Variants in ELOVL7 observed in about 807,000 individuals in gnomAD.
ELOVL7 encodes very long chain fatty acid elongase 7.
ELOVL7 carries 27 observed loss-of-function variants against 35.7 expected under a neutral mutation model. The observed-to-expected ratio is 0.76, with a 90% CI of 0.56 to 1.04. ELOVL7 has a LOEUF of 1.04. Among genes scored for constraint, ELOVL7 ranks in the 50% least tolerant of loss-of-function variants. The pLI, the probability that ELOVL7 is intolerant of heterozygous loss-of-function variation, is 0.00. For missense variants in ELOVL7, 327 were observed against 340.8 expected (o/e 0.96, Z 0.32); for synonymous variants, 113 against 114.6 (o/e 0.99, Z 0.09).
chr5:60,779,477 G>C (rs904726351), intron 3 of ELOVL7, among the ~76,000 whole-genome samples: 96 of 152,302 alleles, frequency 6.3e-4, no homozygotes, highest in African/African-American at 2.2e-3. Flanking sequence ...TCAACACCAT[G>C]GAGAAGCTGC....
At chr5:60,784,983 C>T (rs1486263207) in intron 3 of ELOVL7, among the ~76,000 whole-genome samples, 2 of 152,194 alleles carry the variant, frequency 1.3e-5, no homozygotes, top group Admixed American at 6.5e-5. Context: ...AGAGCACTTT[C>T]ATGTATGTTA....
chr5:60,824,212 G>A (rs1746040235), intron 1 of ELOVL7, among the ~76,000 whole-genome samples: 1 of 152,214 alleles, frequency 6.6e-6, no homozygotes, highest in African/African-American at 2.4e-5. Context: ...TATAGTCTCT[G>A]AGAGAGTGAA....
intron 1 of ELOVL7, among the ~76,000 whole-genome samples, chr5:60,806,178 C>T (rs1744914253): frequency 6.6e-6 from 1 of 152,158 alleles, no homozygotes; most frequent in Non-Finnish European, 1.5e-5. Flanking sequence ...ATCCTTTCCT[C>T]AAAGCCCTCA....
intron 3 of ELOVL7, among the ~76,000 whole-genome samples, chr5:60,781,874 G>T (rs1743276360): frequency 6.6e-6 from 1 of 152,160 alleles, no homozygotes; most frequent in Admixed American, 6.5e-5. Flanking sequence ...GCATTAAAAG[G>T]CATGTATTTC....
Position 60,787,415 on chromosome 5 carries a change from G to A in ELOVL7, c.-18C>T. 6.3e-7 allele frequency: 1 copy of A among 1,577,286 alleles called. No individual in the cohort carries two copies. Among genetic ancestry groups the A allele is most frequent in the Non-Finnish European group, 8.6e-7 (1 of 1,164,528 alleles). On this transcript the variant is annotated 5_prime_UTR_variant, in exon 3 of 9. Transcript: ENST00000508821. ...AAGGCCATTTTCCACAGGATTTACT[G>A]GCTCTTTTAATGGGTTCTTCAGTAA...
intron 3 of ELOVL7, among the ~76,000 whole-genome samples, chr5:60,772,783 C>G (rs1446609589): frequency 1.3e-5 from 2 of 152,186 alleles, no homozygotes; most frequent in East Asian, 3.9e-4. Context: ...GAACACCCAG[C>G]AACATCCCAC....
chr5:60,807,977 C>A (rs571343431), intron 1 of ELOVL7, among the ~76,000 whole-genome samples: 13 of 101,308 alleles, frequency 1.3e-4, no homozygotes, highest in Middle Eastern at 0.011. Flanking sequence ...CCAGCCTGGG[C>A]GTGAGACTCC....
At chr5:60,768,590 A>G (rs6449497) in intron 4 of ELOVL7, 22 of 425,588 alleles carry the variant, frequency 5.2e-5, no homozygotes, top group African/African-American at 4.1e-4. Flanking sequence ...GACAAGAAAG[A>G]GCCTATTGTT....
intron 1 of ELOVL7, among the ~76,000 whole-genome samples, chr5:60,819,099 G>A (rs190553020): frequency 0.075 from 94 of 1,256 alleles, 11 homozygotes; most frequent in African/African-American, 0.15. Flanking sequence ...GGGAGGGGAG[G>A]GGAGAGGAGA....
At chr5:60,822,483 T>A (rs1745945149) in intron 1 of ELOVL7, among the ~76,000 whole-genome samples, 1 of 152,106 alleles carries the variant, frequency 6.6e-6, no homozygotes, top group African/African-American at 2.4e-5. Context: ...AATTCCATCA[T>A]CCCAATGAGA....
rs1452507821 is a variant in ELOVL7 at position 60,787,443 on chromosome 5, T to TA, written c.-34-13dup. 2.8e-6 allele frequency: 4 copies of TA among 1,428,416 alleles called. No homozygotes were observed. Among genetic ancestry groups the TA allele is most frequent in the Non-Finnish European group, 3.8e-6 (4 of 1,044,270 alleles). The allele number at this position is 1,428,416 out of a possible 1,614,324, so 88.5% of individuals were successfully genotyped here. The stretch of plus-strand genomic sequence containing the variant: ...TCTTTTAATGGGTTCTTCAGTAAAA[T>TA]AAAACAGAAATGAGTTTATAATCTA... On this transcript the variant is annotated splice_polypyrimidine_tract_variant and intron_variant, in intron 2 of 8. Coordinates refer to ENST00000508821, the MANE Select transcript of ELOVL7 (RefSeq NM_024930.3).
intron 6 of ELOVL7, among the ~76,000 whole-genome samples, chr5:60,765,800 G>A (rs1232104039): frequency 6.6e-6 from 1 of 152,172 alleles, no homozygotes; most frequent in Non-Finnish European, 1.5e-5. Flanking sequence ...AGCATATTGA[G>A]ATTTCCTACA....
At chr5:60,827,379 A>G (rs977518826) in intron 1 of ELOVL7, among the ~76,000 whole-genome samples, 2 of 152,222 alleles carry the variant, frequency 1.3e-5, no homozygotes, top group Non-Finnish European at 2.9e-5. Context: ...ACAACAGCTG[A>G]ACATCAACAA....
rs769625263 is a variant in ELOVL7 at position 60,757,664 on chromosome 5, G to A, written c.500-19C>T. ...AAACCACCTGGAAAATAAAATTATT[G>A]TAACATGGGGCCATTGTTCCTTAAA... On this transcript the variant is annotated intron_variant, in intron 7 of 8. Transcript: ENST00000508821. The A allele has an allele frequency of 1.3e-6, 2 of 1,532,932 alleles. No individual in the cohort carries two copies. Among genetic ancestry groups the A allele is most frequent in the East Asian group, 2.3e-5 (1 of 43,752 alleles). 95.0% of individuals were successfully genotyped at this position (1,532,932 alleles called of 1,614,324 possible).
chr5:60,757,047 G>GT lies in ELOVL7; in HGVS notation c.636+461dup, dbSNP rs558963927. ...CATATATGTTGGTCTAACCCTCTACGTTTTTAATTCTCACAGTGCTTTTTA... is the reference window on the plus strand; with the variant it reads ...CATATATGTTGGTCTAACCCTCTACGTTTTTTAATTCTCACAGTGCTTTTTA... On this transcript the variant is annotated intron_variant, in intron 8 of 8. Transcript: ENST00000508821. Among the ~76,000 whole-genome samples, 381 of 152,102 alleles carry GT rather than the reference G, an allele frequency of 2.5e-3. 3 individuals carry two copies. The highest frequency in any genetic ancestry group is 7.2e-3 in the African/African-American group (298 of 41,506).
chr5:60,828,889 GT>G (rs1400660195), intron 1 of ELOVL7, among the ~76,000 whole-genome samples: 15 of 152,196 alleles, frequency 9.9e-5, no homozygotes, highest in Admixed American at 1.3e-4. Context: ...TTTTAAAAAT[GT>G]TCAGATTGAT....
intron 1 of ELOVL7, among the ~76,000 whole-genome samples, chr5:60,799,709 A>G (rs902587377): frequency 6.6e-6 from 1 of 152,214 alleles, no homozygotes; most frequent in African/African-American, 2.4e-5. Context: ...CCAGGACCTG[A>G]TAACTTCACT....
At chr5:60,808,063 T>C (rs906775251) in intron 1 of ELOVL7, among the ~76,000 whole-genome samples, 3 of 127,230 alleles carry the variant, frequency 2.4e-5, no homozygotes, top group Non-Finnish European at 3.4e-5. Flanking sequence ...ATGAAACAAA[T>C]TGAGGACCAA....
chr5:60,806,805 G>T (rs1744953584), intron 1 of ELOVL7, among the ~76,000 whole-genome samples: 1 of 152,184 alleles, frequency 6.6e-6, no homozygotes, highest in Admixed American at 6.5e-5. Context: ...GAAATAGAAA[G>T]AGAATCCAGG....
Sources: gnomAD v4.1 joint callset for allele counts (sites outside exome capture counted in the v4.1 genomes callset) on GRCh38, gnomAD v4.1.1 for gene constraint, MANE v1.5 for transcripts, NCBI Gene and HGNC (gene_info 2026-07-23, HGNC 2026-07-21) for gene names.